Variants in MYOM3 observed in about 807,000 individuals in gnomAD.
MYOM3 encodes the protein myomesin 3, also known as myomesin-3.
In MYOM3, 155 loss-of-function variants were observed where a neutral mutation model predicts 191.7. That is an observed-to-expected ratio of 0.81 (90% CI 0.71 to 0.92). The LOEUF (loss-of-function observed/expected upper bound fraction) is 0.92. MYOM3 is among the 40% of genes least tolerant of loss of function. The pLI, the probability that MYOM3 is intolerant of heterozygous loss-of-function variation, is 0.00. For missense variants in MYOM3, 1,889 were observed against 1,890.6 expected (o/e 1.00, Z 0.02); for synonymous variants, 757 against 762.9 (o/e 0.99, Z 0.13).
chr1:24,066,180 C>T (rs1219478988), intron 28 of MYOM3, 179 bp from the exon 29 acceptor site: 4 of 718,882 alleles, frequency 5.6e-6, no homozygotes, highest in Non-Finnish European at 1.0e-5. Flanking sequence ...TGATCCCTGC[C>T]TTACTCTATT....
At chr1:24,077,330 C>T (rs746578532) in intron 20 of MYOM3, among the ~76,000 whole-genome samples, 8 of 152,172 alleles carry the variant, frequency 5.3e-5, no homozygotes, top group Non-Finnish European at 8.8e-5. Context: ...GTTCAAATTT[C>T]GAGGTCGAGT....
intron 29 of MYOM3, among the ~76,000 whole-genome samples, chr1:24,065,594 A>G (rs1346402390): frequency 1.3e-5 from 2 of 152,222 alleles, no homozygotes; most frequent in African/African-American, 4.8e-5. Context: ...CTGCACAGTC[A>G]TTGGCAGGGC....
At chr1:24,090,209 C>A (rs574125265) in intron 12 of MYOM3, 91 bp from the exon 13 acceptor site, 2 of 1,052,314 alleles carry the variant, frequency 1.9e-6, no homozygotes, top group Non-Finnish European at 3.0e-6. Context: ...CGTCCTGCCC[C>A]GTCCCAGTCC....
chr1:24,080,598 C>G (rs1004974835), intron 19 of MYOM3, among the ~76,000 whole-genome samples: 1 of 152,146 alleles, frequency 6.6e-6, no homozygotes, highest in Non-Finnish European at 1.5e-5. Flanking sequence ...AGATACTTAG[C>G]CTCTTTGTTC....
chr1:24,072,713 T>G (rs533511279), intron 23 of MYOM3, among the ~76,000 whole-genome samples: 1 of 152,242 alleles, frequency 6.6e-6, no homozygotes, highest in South Asian at 2.1e-4. Context: ...TTTTGTATTT[T>G]TAGTAGAGAC....
chr1:24,088,568 T>C (rs181916366), intron 14 of MYOM3, among the ~76,000 whole-genome samples: 1 of 152,132 alleles, frequency 6.6e-6, no homozygotes, highest in African/African-American at 2.4e-5. Flanking sequence ...GTGAAACAAA[T>C]CCTCAATTAT....
chr1:24,061,043 A>C lies in MYOM3; in HGVS notation c.3994+17T>G, dbSNP rs749236897. The C allele has an allele frequency of 6.2e-6, 10 of 1,613,904 alleles. No individual in the cohort carries two copies. The highest frequency in any genetic ancestry group is 8.5e-6 in the Non-Finnish European group (10 of 1,179,994). ...CAAATTCAGAAACAAAAACAACAGAAATATCGGCCGACTTACTCTTCTCGA... is the reference window on the plus strand; with the variant it reads ...CAAATTCAGAAACAAAAACAACAGACATATCGGCCGACTTACTCTTCTCGA... On this transcript the variant is annotated intron_variant, in intron 35 of 36. Transcript: ENST00000374434.
chr1:24,071,404 G>A, intron 24 of MYOM3, 151 bp from the exon 25 acceptor site: 1 of 908,618 alleles, frequency 1.1e-6, no homozygotes, highest in Non-Finnish European at 1.6e-6. Context: ...CTCAGAGGAG[G>A]GTTTTCCGAA....
At chr1:24,068,463 A>C in intron 25 of MYOM3, 96 bp from the exon 26 acceptor site, 1 of 1,454,914 alleles carries the variant, frequency 6.9e-7, no homozygotes, top group Non-Finnish European at 9.4e-7. Context: ...TGGTAAGCAC[A>C]GAGCTGTCAG....
rs1570851905 is a variant in MYOM3 at position 24,064,119 on chromosome 1, G to T, written c.3575C>A (p.Ser1192Tyr). The change falls in exon 30 of 37, where the codon TCT becomes TAT. Residue 1192 changes from serine to tyrosine, a missense_variant. Transcript: ENST00000374434. ...GGTGTCGTCCTCCCCTCGATCGTCA[G>T]AAACCATCGCTCTGTAAATTCCCTT... ...KDKGIYRAMVSDDRGEDDTIL... is the reference protein window; with the variant it reads ...KDKGIYRAMVYDDRGEDDTIL... 1 of 1,614,092 alleles carries T rather than the reference G, an allele frequency of 6.2e-7. No individual in the cohort carries two copies. The highest frequency in any genetic ancestry group is 8.5e-7 in the Non-Finnish European group (1 of 1,180,000).
chr1:24,080,728 C>T (rs1350458527), intron 19 of MYOM3, among the ~76,000 whole-genome samples: 5 of 152,124 alleles, frequency 3.3e-5, no homozygotes, highest in African/African-American at 1.2e-4. Flanking sequence ...AATAAATACT[C>T]GTTGTTTATA....
chr1:24,065,916 C>G lies in MYOM3; in HGVS notation c.3509G>C (p.Gly1170Ala), dbSNP rs757906443. The G allele has an allele frequency of 2.5e-6, 4 of 1,613,190 alleles. No homozygotes were observed. The South Asian group carries it at 4.4e-5, about 18-fold the overall frequency. The change falls in exon 29 of 37, where the codon GGA (glycine) becomes GCA (alanine). Residue 1170 changes from glycine (G) to alanine (A), a missense_variant. Gly to Ala is a moderately conservative substitution (Grantham distance 60, BLOSUM62 0). Coordinates refer to ENST00000374434, the MANE Select transcript of MYOM3 (RefSeq NM_152372.4). ...CTCTTCAATGCAGAGAAGTCCCGTT[C>G]CCGTCTCTGGGTCATACTGACCATC... ...MPDGQYDPETGTGLLCIEELS... is the reference protein window; with the variant it reads ...MPDGQYDPETATGLLCIEELS...
intron 25 of MYOM3, among the ~76,000 whole-genome samples, chr1:24,069,035 A>G (rs967436240): frequency 2.6e-5 from 4 of 151,834 alleles, no homozygotes; most frequent in African/African-American, 9.7e-5. Context: ...CTTATTTCCT[A>G]CTTCTTTTAA....
chr1:24,093,106 T>C lies in MYOM3; in HGVS notation c.931A>G (p.Ser311Gly). 1 of 1,604,932 alleles carries C rather than the reference T, an allele frequency of 6.2e-7. No homozygotes were observed. ...CGACGTCTCGAGGACCTCAGTAGGC[T>C]CCCTGTGGAGGGGAAGTGGGGGGCC... ...AESIQWFRDG[S>G]LLRSSRRRKI... is the part of the protein sequence containing the mutation. Residue 311 changes from serine to glycine, a missense_variant and splice_region_variant, in exon 10 of 37, where the codon AGC becomes GGC. Transcript: ENST00000374434.
intron 35 of MYOM3, among the ~76,000 whole-genome samples, chr1:24,059,921 A>C (rs1643349383): frequency 6.6e-6 from 1 of 152,150 alleles, no homozygotes; most frequent in Admixed American, 6.5e-5. Context: ...AGTGGGTGAA[A>C]GGGGAGCAGG....
At chr1:24,089,399 T>G in intron 14 of MYOM3, 139 bp downstream of exon 14, 3 of 1,161,058 alleles carry the variant, frequency 2.6e-6, no homozygotes, top group Non-Finnish European at 2.3e-6. Flanking sequence ...CTTGCCTCTG[T>G]GTAGGGCCAT....
chr1:24,106,575 C>T (rs1217111562), intron 4 of MYOM3, among the ~76,000 whole-genome samples: 2 of 152,114 alleles, frequency 1.3e-5, no homozygotes, highest in Admixed American at 1.3e-4. Flanking sequence ...GTCTATTTTA[C>T]TTTATTTTTA....
chr1:24,086,627 C>G lies in MYOM3; in HGVS notation c.1798+17G>C. On this transcript the variant is annotated intron_variant, in intron 15 of 36. Coordinates refer to ENST00000374434, the MANE Select transcript of MYOM3 (RefSeq NM_152372.4). ...CCTGGCCTGCCTCCTCCCCGACCCC[C>G]GGCATCAGGAGGGTACCTGGCGGGC... 1 of 1,609,592 alleles carries G rather than the reference C, an allele frequency of 6.2e-7. No homozygotes were observed. Among genetic ancestry groups the G allele is most frequent in the Non-Finnish European group, 8.5e-7 (1 of 1,177,548 alleles).
rs368150076 is a variant in MYOM3 at position 24,063,117 on chromosome 1, C to T, written c.3770+9G>A. 4.6e-5 allele frequency: 73 copies of T among 1,591,628 alleles called. No homozygotes were observed. In the East Asian group the frequency reaches 6.1e-4, roughly 13 times the overall value. On this transcript the variant is annotated intron_variant, in intron 32 of 36. Coordinates refer to ENST00000374434, the MANE Select transcript of MYOM3 (RefSeq NM_152372.4). This position sits in a 1 kb window ranked among gnomAD's most constrained non-coding sequence, Gnocchi z 4.5. ...GCCTGGCTGGGGTTCTGGGGCAAGG[C>T]GGACTTACTTGTGGAACCAGGTGGT...
Sources: gnomAD v4.1 joint callset for allele counts (sites outside exome capture counted in the v4.1 genomes callset) on GRCh38, gnomAD v4.1.1 for gene constraint, Gnocchi (gnomAD v3.1) non-coding constraint, MANE v1.5 for transcripts, NCBI Gene and HGNC (gene_info 2026-07-23, HGNC 2026-07-21) for gene names.